Variants in SPSB1 observed in about 807,000 individuals in gnomAD.
SPSB1 encodes SPRY domain-containing SOCS box protein 1.
A neutral mutation model predicts 21.2 loss-of-function variants in SPSB1; 8 were observed. The observed-to-expected ratio is 0.38, with a 90% CI of 0.22 to 0.68. The LOEUF (loss-of-function observed/expected upper bound fraction) is 0.68, where lower values mean the gene tolerates loss of function less well. Among genes scored for constraint, SPSB1 ranks in the 30% least tolerant of loss-of-function variants. The pLI is 0.53. For synonymous variants in SPSB1, 169 were observed against 161.7 expected (o/e 1.05, Z -0.34); for missense variants, 242 against 377.8 (o/e 0.64, Z 2.98).
At position 9,356,816 on chromosome 1, in the gene SPSB1, A is replaced by T. The variant is rs1425942110; in HGVS notation, c.694+231A>T. 6.6e-6 allele frequency among the ~76,000 whole-genome samples: 1 copy of T among 152,142 alleles called. No homozygotes were observed. Among genetic ancestry groups the T allele is most frequent in the Non-Finnish European group, 1.5e-5 (1 of 68,018 alleles). The stretch of plus-strand genomic sequence containing the variant: ...GAATGAATGGACAGATGGATGGATG[A>T]TGGATGATGAATGAATAGATGGATG... On this transcript the variant is annotated intron_variant, in intron 2 of 2. Transcript: ENST00000328089. The surrounding 1 kb of genome is among the most constrained non-coding windows in gnomAD (Gnocchi z 7.4).
chr1:9,301,238 C>T (rs1570169027), intron 1 of SPSB1, among the ~76,000 whole-genome samples: 1 of 152,270 alleles, frequency 6.6e-6, no homozygotes, highest in East Asian at 1.9e-4. Flanking sequence ...ACCTGTAATC[C>T]CAGCACTTTG....
At chr1:9,361,832 C>T (rs1056303595) in intron 2 of SPSB1, among the ~76,000 whole-genome samples, 3 of 152,224 alleles carry the variant, frequency 2.0e-5, no homozygotes, top group Admixed American at 1.3e-4. Flanking sequence ...CGGGCCTGCC[C>T]GCCACCCTCC....
chr1:9,337,924 G>C (rs943445845), intron 1 of SPSB1, among the ~76,000 whole-genome samples: 3 of 152,232 alleles, frequency 2.0e-5, no homozygotes, highest in Non-Finnish European at 2.9e-5. Context: ...AGAGTGACCT[G>C]GTGGCTCTTC....
chr1:9,336,515 C>G (rs1296175659), intron 1 of SPSB1, among the ~76,000 whole-genome samples: 1 of 152,080 alleles, frequency 6.6e-6, no homozygotes, highest in Non-Finnish European at 1.5e-5. Context: ...CGTGAGCCAC[C>G]ACGTCCGGCT....
intron 1 of SPSB1, among the ~76,000 whole-genome samples, chr1:9,347,808 G>A (rs747245123): frequency 4.6e-5 from 7 of 152,230 alleles, no homozygotes; most frequent in Non-Finnish European, 8.8e-5. Flanking sequence ...TGGGCGTTTT[G>A]CACATGGACA....
At chr1:9,320,291 T>C (rs1639696486) in intron 1 of SPSB1, among the ~76,000 whole-genome samples, 1 of 152,192 alleles carries the variant, frequency 6.6e-6, no homozygotes, top group African/African-American at 2.4e-5. Flanking sequence ...CATCAGCCAT[T>C]ATTGCCTCTT....
chr1:9,348,806 G>A lies in SPSB1; in HGVS notation c.-149-6937G>A, dbSNP rs538467617. On this transcript the variant is annotated intron_variant, in intron 1 of 2. Transcript: ENST00000328089. The surrounding 1 kb of genome is among the most constrained non-coding windows in gnomAD (Gnocchi z 4.8). Reference sequence around the variant, plus strand: ...GCCCAGGCTGCCACCGAGAAATCCAGTAGGGTCACGCGGCTCTGATGGGTG... The same window carrying A: ...GCCCAGGCTGCCACCGAGAAATCCAATAGGGTCACGCGGCTCTGATGGGTG... Among the ~76,000 whole-genome samples the A allele has an allele frequency of 6.6e-6, 1 of 152,228 alleles. No homozygotes were observed. Among genetic ancestry groups the A allele is most frequent in the East Asian group, 1.9e-4 (1 of 5,174 alleles).
chr1:9,329,641 C>T (rs1231846895), intron 1 of SPSB1, among the ~76,000 whole-genome samples: 1 of 148,208 alleles, frequency 6.7e-6, no homozygotes, highest in South Asian at 2.1e-4. Flanking sequence ...TGCAGTGAGC[C>T]GAGATCACAC....
intron 1 of SPSB1, among the ~76,000 whole-genome samples, chr1:9,296,243 A>G (rs1639223136): frequency 6.6e-6 from 1 of 152,158 alleles, no homozygotes; most frequent in South Asian, 2.1e-4. Context: ...GGGCTTCCTG[A>G]GGACCCTGAG....
intron 1 of SPSB1, among the ~76,000 whole-genome samples, chr1:9,298,669 T>C (rs942325857): frequency 6.6e-6 from 1 of 152,178 alleles, no homozygotes; most frequent in African/African-American, 2.4e-5. Flanking sequence ...AAACCAAAAA[T>C]ATCACTCACT....
intron 1 of SPSB1, among the ~76,000 whole-genome samples, chr1:9,339,759 G>A (rs1640059765): frequency 6.6e-6 from 1 of 152,182 alleles, no homozygotes; most frequent in South Asian, 2.1e-4. Flanking sequence ...GGCTTCTACA[G>A]GGTCTGGGCA....
intron 1 of SPSB1, among the ~76,000 whole-genome samples, chr1:9,332,299 CAGTG>C (rs1179763378): frequency 6.6e-6 from 1 of 151,948 alleles, no homozygotes; most frequent in Non-Finnish European, 1.5e-5. Context: ...ATGACTTAAA[CAGTG>C]AGAGTGAAGG....
At chr1:9,307,982 C>T (rs1025531451) in intron 1 of SPSB1, among the ~76,000 whole-genome samples, 2 of 152,180 alleles carry the variant, frequency 1.3e-5, no homozygotes, top group African/African-American at 4.8e-5. Context: ...GAGTCTGTAA[C>T]TCATGGTGCT....
intron 2 of SPSB1, among the ~76,000 whole-genome samples, chr1:9,364,595 G>C (rs547970612): frequency 3.3e-5 from 5 of 152,144 alleles, no homozygotes; most frequent in African/African-American, 1.2e-4. Context: ...TGGGATCCTT[G>C]ACCTTAAAGA....
At chr1:9,343,145 C>T (rs577618802) in intron 1 of SPSB1, among the ~76,000 whole-genome samples, 28 of 152,298 alleles carry the variant, frequency 1.8e-4, no homozygotes, top group African/African-American at 5.5e-4. Context: ...TGAGTACATT[C>T]GCAATATAGT....
chr1:9,357,914 G>A (rs940524389), intron 2 of SPSB1, among the ~76,000 whole-genome samples: 2 of 152,180 alleles, frequency 1.3e-5, no homozygotes, highest in Non-Finnish European at 2.9e-5. Context: ...TGGGAAGCAA[G>A]TGGGCTGGAA....
intron 1 of SPSB1, among the ~76,000 whole-genome samples, chr1:9,332,480 T>A (rs771173052): frequency 7.2e-5 from 11 of 152,150 alleles, no homozygotes; most frequent in Non-Finnish European, 1.5e-4. Context: ...CATTTGAGTC[T>A]ACAAGGGATG....
chr1:9,366,578 T>C (rs1245695774), intron 2 of SPSB1, among the ~76,000 whole-genome samples: 1 of 88,412 alleles, frequency 1.1e-5, no homozygotes, highest in East Asian at 2.4e-4. Context: ...TCCTCAGTTC[T>C]TTTTTTTTTT....
At chr1:9,352,293 G>C (rs1475402720) in intron 1 of SPSB1, among the ~76,000 whole-genome samples, 1 of 152,174 alleles carries the variant, frequency 6.6e-6, no homozygotes, top group Non-Finnish European at 1.5e-5. Flanking sequence ...TTCTGGGACG[G>C]GGCTGGCCCA....
Sources: gnomAD v4.1 joint callset for allele counts (sites outside exome capture counted in the v4.1 genomes callset) on GRCh38, gnomAD v4.1.1 for gene constraint, Gnocchi (gnomAD v3.1) non-coding constraint, MANE v1.5 for transcripts, NCBI Gene and HGNC (gene_info 2026-07-23, HGNC 2026-07-21) for gene names.